The following MITF variants were observed in gnomAD, a reference collection of about 807,000 sequenced individuals.
MITF encodes the protein microphthalmia-associated transcription factor.
In MITF, 17 loss-of-function variants were observed where a neutral mutation model predicts 60.5. The ratio of observed to expected loss-of-function variants is 0.28; its 90% CI spans 0.19 to 0.42. The LOEUF (loss-of-function observed/expected upper bound fraction) is 0.42, where lower values mean the gene tolerates loss of function less well. Among genes scored for constraint, MITF ranks in the 10% least tolerant of loss-of-function variants. The pLI, the probability that MITF is intolerant of heterozygous loss-of-function variation, is 1.00. For synonymous variants in MITF, 260 were observed against 248.5 expected (o/e 1.05, Z -0.43); for missense variants, 622 against 683.5 (o/e 0.91, Z 1.00).
At chr3:69,777,917 T>C (rs940204718) in intron 1 of MITF, among the ~76,000 whole-genome samples, 3 of 151,930 alleles carry the variant, frequency 2.0e-5, no homozygotes, top group Non-Finnish European at 4.4e-5. Context: ...AGGTTTTAAG[T>C]GGGAGGGAGG....
At chr3:69,779,105 A>G (rs183211548) in intron 1 of MITF, 2 of 152,320 alleles carry the variant, frequency 1.3e-5, no homozygotes. Context: ...TTAATTCAAG[A>G]TAGTCTCACC....
intron 7 of MITF, among the ~76,000 whole-genome samples, chr3:69,955,158 T>C (rs756636260): frequency 6.6e-6 from 1 of 152,194 alleles, no homozygotes; most frequent in African/African-American, 2.4e-5. Flanking sequence ...CTGTGCTATC[T>C]AGTACAGTAG....
intron 8 of MITF, 137 bp from the exon 9 acceptor site, chr3:69,959,136 C>A: frequency 9.8e-7 from 1 of 1,020,948 alleles, no homozygotes; most frequent in Non-Finnish European, 1.4e-6. Flanking sequence ...TGTAACCAAG[C>A]ACCACCTGTT....
chr3:69,744,181 C>A (rs552749631), intron 1 of MITF, among the ~76,000 whole-genome samples: 331 of 152,294 alleles, frequency 2.2e-3, no homozygotes, highest in Non-Finnish European at 3.4e-3. Flanking sequence ...CACACGCATA[C>A]CTACATATAT....
intron 1 of MITF, among the ~76,000 whole-genome samples, chr3:69,853,207 C>G (rs1040724771): frequency 1.3e-5 from 2 of 151,836 alleles, no homozygotes; most frequent in Admixed American, 6.6e-5. Flanking sequence ...TTCACCATGT[C>G]AGAATATCTG....
chr3:69,812,849 G>A (rs145041626), intron 1 of MITF, among the ~76,000 whole-genome samples: 1 of 152,212 alleles, frequency 6.6e-6, no homozygotes, highest in East Asian at 1.9e-4. Flanking sequence ...CCTACATAGT[G>A]GATTGGGCAA....
chr3:69,752,559 G>C (rs1002688053), intron 1 of MITF, among the ~76,000 whole-genome samples: 1 of 152,150 alleles, frequency 6.6e-6, no homozygotes, highest in Non-Finnish European at 1.5e-5. Flanking sequence ...TGATGATTTA[G>C]GGTAACTGGC....
chr3:69,884,960 T>C (rs1385999172), intron 2 of MITF, among the ~76,000 whole-genome samples: 1 of 152,158 alleles, frequency 6.6e-6, no homozygotes, highest in Non-Finnish European at 1.5e-5. Context: ...CATTGGAACT[T>C]CAGCTCTAAT....
intron 2 of MITF, among the ~76,000 whole-genome samples, chr3:69,933,654 T>A (rs1463592291): frequency 6.6e-6 from 1 of 152,180 alleles, no homozygotes; most frequent in Admixed American, 6.5e-5. Flanking sequence ...CAATAAATAA[T>A]ATTTTATGAT....
At chr3:69,876,305 C>T (rs1280208370) in intron 1 of MITF, among the ~76,000 whole-genome samples, 3 of 152,124 alleles carry the variant, frequency 2.0e-5, no homozygotes, top group East Asian at 3.9e-4. Context: ...AGGTTTGCTT[C>T]TGTTTTTATC....
At chr3:69,778,838 A>G (rs1348549072) in intron 1 of MITF, 2 of 152,128 alleles carry the variant, frequency 1.3e-5, no homozygotes, top group African/African-American at 4.8e-5. Flanking sequence ...AATCTTCCTT[A>G]TTACTAAATT....
intron 3 of MITF, 36 bp from the exon 4 acceptor site, chr3:69,939,062 C>T (rs1314683984): frequency 5.0e-6 from 8 of 1,609,908 alleles, no homozygotes; most frequent in Non-Finnish European, 6.8e-6. Flanking sequence ...ATTTGCAAAT[C>T]CAAGTTATAG....
intron 5 of MITF, among the ~76,000 whole-genome samples, chr3:69,941,547 C>G (rs1329041906): frequency 6.6e-6 from 1 of 152,156 alleles, no homozygotes; most frequent in African/African-American, 2.4e-5. Flanking sequence ...TAAAACTCTA[C>G]ATTCCCTGGA....
intron 1 of MITF, among the ~76,000 whole-genome samples, chr3:69,790,266 G>A (rs1391079908): frequency 2.0e-5 from 3 of 152,130 alleles, no homozygotes; most frequent in Non-Finnish European, 2.9e-5. Context: ...ACTTACATGA[G>A]GTATGTAGAG....
chr3:69,927,753 C>T (rs1483083436), intron 2 of MITF, among the ~76,000 whole-genome samples: 3 of 152,116 alleles, frequency 2.0e-5, no homozygotes, highest in African/African-American at 7.2e-5. Context: ...TGTTACTTGG[C>T]ATCTAATGGG....
chr3:69,795,295 A>G (rs963736444), intron 1 of MITF, among the ~76,000 whole-genome samples: 3 of 152,340 alleles, frequency 2.0e-5, no homozygotes, highest in African/African-American at 7.2e-5. Context: ...ATTAAAATTA[A>G]TATTTGCCTC....
At chr3:69,846,202 A>G (rs62252242) in intron 1 of MITF, among the ~76,000 whole-genome samples, 74,620 of 150,720 alleles carry the variant, frequency 0.5, 20,153 homozygotes, top group Non-Finnish European at 0.63. Context: ...TCTAAATTAA[A>G]TGAGCTGTGC....
chr3:69,865,959 C>G (rs987577853), intron 1 of MITF, among the ~76,000 whole-genome samples: 1 of 152,198 alleles, frequency 6.6e-6, no homozygotes, highest in Admixed American at 6.5e-5. Context: ...TCTCTGCAAG[C>G]CTCAGCCAGT....
chr3:69,938,135 C>T (rs1350273871), intron 3 of MITF, 86 bp downstream of exon 3: 1 of 1,410,286 alleles, frequency 7.1e-7, no homozygotes, highest in African/African-American at 1.4e-5. Flanking sequence ...ACTGTGGACT[C>T]TAGTTTGTCC....
Sources: allele counts gnomAD v4.1 joint callset (sites outside exome capture counted in the v4.1 genomes callset), GRCh38; gene constraint gnomAD v4.1.1; transcripts MANE v1.5; gene names NCBI Gene and HGNC (gene_info 2026-07-23, HGNC 2026-07-21).